The following EML1 variants were observed in gnomAD, a reference collection of about 807,000 sequenced individuals.
EML1 encodes the protein echinoderm microtubule-associated protein-like 1.
A neutral mutation model predicts 110.4 loss-of-function variants in EML1; 27 were observed. That is an observed-to-expected ratio of 0.24 (90% confidence interval 0.18 to 0.34). EML1 has a LOEUF of 0.34. Ranked by LOEUF, EML1 falls within the 10% of genes least tolerant of loss-of-function variation. EML1 has a pLI of 1.00. For missense variants in EML1, 741 were observed against 1,030.9 expected, an observed-to-expected ratio of 0.72 and a Z score of 3.85; for synonymous variants, 344 against 385.8, an observed-to-expected ratio of 0.89 and a Z score of 1.27.
chr14:99,914,430 G>T, intron 14 of EML1, 126 bp downstream of exon 14: 1 of 1,528,696 alleles, frequency 6.5e-7, no homozygotes. Context: ...GTCTGTGGCT[G>T]CTGAAAGATG....
At chr14:99,756,298 A>T (rs1472546782) in intron 1 of EML1, among the ~76,000 whole-genome samples, 1 of 152,240 alleles carries the variant, frequency 6.6e-6, no homozygotes, top group African/African-American at 2.4e-5. Context: ...GTCAGGCAGC[A>T]TGACCCATAC....
chr14:99,765,389 C>T lies in EML1; in HGVS notation c.28+27529C>T, dbSNP rs369166431. Among the ~76,000 whole-genome samples, 106 of 152,250 alleles carry T rather than the reference C, an allele frequency of 7.0e-4. No homozygotes were observed. The South Asian group carries it at 8.1e-3, about 12-fold the overall frequency. ...ACTGAACAATAACCTCCCCCCACCACGCCAGGCCCCTGGCTACCACCAATC... is the reference window on the plus strand; with the variant it reads ...ACTGAACAATAACCTCCCCCCACCATGCCAGGCCCCTGGCTACCACCAATC... On this transcript the variant is annotated intron_variant, in intron 1 of 10. Transcript: ENST00000554479.
chr14:99,886,294 C>T (rs1161172005), intron 4 of EML1, among the ~76,000 whole-genome samples: 2 of 152,188 alleles, frequency 1.3e-5, no homozygotes, highest in Non-Finnish European at 2.9e-5. Flanking sequence ...CCAGCCTGGA[C>T]AACATGGCGG....
chr14:99,932,177 G>A lies in EML1; in HGVS notation c.1910-3852G>A, dbSNP rs142126683. ...GGGGTTGTGGATGGTACGATCAGCC[G>A]GTTCCCCTCTGCAGGGAGGACTTCC... On this transcript the variant is annotated intron_variant, in intron 17 of 21. Coordinates refer to ENST00000262233, the MANE Select transcript of EML1 (RefSeq NM_004434.3). 1.6e-3 allele frequency among the ~76,000 whole-genome samples: 251 copies of A among 152,272 alleles called. 1 individual carries two copies. Among genetic ancestry groups the A allele is most frequent in the African/African-American group, 5.5e-3 (228 of 41,560 alleles).
At chr14:99,795,154 T>G (rs2057746518) in intron 1 of EML1, among the ~76,000 whole-genome samples, 1 of 152,218 alleles carries the variant, frequency 6.6e-6, no homozygotes, top group South Asian at 2.1e-4. Context: ...AGCCTAGATA[T>G]TTTTATTGGA....
chr14:99,833,986 T>G (rs1224768235), intron 1 of EML1, among the ~76,000 whole-genome samples: 1 of 152,224 alleles, frequency 6.6e-6, no homozygotes, highest in Non-Finnish European at 1.5e-5. Flanking sequence ...TTTCTTTTTA[T>G]TTTTCACTGA....
At chr14:99,750,927 G>A (rs1170839750) in intron 1 of EML1, among the ~76,000 whole-genome samples, 1 of 152,112 alleles carries the variant, frequency 6.6e-6, no homozygotes, top group Non-Finnish European at 1.5e-5. Flanking sequence ...GCTCAGAGAC[G>A]ATGCTCCACA....
intron 1 of EML1, among the ~76,000 whole-genome samples, chr14:99,832,631 C>G (rs541171062): frequency 3.9e-5 from 6 of 152,154 alleles, no homozygotes; most frequent in South Asian, 2.1e-4. Flanking sequence ...TGTTGAGCAC[C>G]TTTTGATATG....
intron 1 of EML1, among the ~76,000 whole-genome samples, chr14:99,744,508 G>A (rs1476453007): frequency 6.6e-6 from 1 of 152,170 alleles, no homozygotes; most frequent in East Asian, 1.9e-4. Context: ...AGTAATGTCT[G>A]CACCCCTTTC....
At position 99,914,601 on chromosome 14, in the gene EML1, T is replaced by A. The variant is rs770978329; in HGVS notation, c.1656T>A (p.His552Gln). ...HTDELWGLAI[H>Q]ASKSQFLTCG... ...ATGAGCTCTGGGGACTGGCCATCCA[T>A]GCCTCAAAATCTCAGTTCTTGACCT... Residue 552 changes from histidine to glutamine, a missense_variant, in exon 15 of 22, where the codon CAT (histidine) becomes CAA (glutamine). His to Gln is a conservative substitution (Grantham distance 24, BLOSUM62 0). Around this residue, in one of 4 missense-constraint regions of EML1, gnomAD observed 388 missense variants for 605.6 expected, o/e 0.64. Coordinates refer to ENST00000262233, the MANE Select transcript of EML1 (RefSeq NM_004434.3). The A allele has an allele frequency of 6.2e-7, 1 of 1,609,972 alleles. No homozygotes were observed. Among genetic ancestry groups the A allele is most frequent in the Non-Finnish European group, 8.5e-7 (1 of 1,179,178 alleles).
intron 1 of EML1, among the ~76,000 whole-genome samples, chr14:99,776,800 A>G (rs143500195): frequency 5.3e-5 from 8 of 152,326 alleles, no homozygotes; most frequent in African/African-American, 1.9e-4. Flanking sequence ...CGATTTCTCA[A>G]CAGAGTGGCC....
chr14:99,767,264 A>G (rs2057376855), intron 1 of EML1, among the ~76,000 whole-genome samples: 1 of 152,214 alleles, frequency 6.6e-6, no homozygotes, highest in Non-Finnish European at 1.5e-5. Context: ...CTAGTCATTG[A>G]CTTTGGGCAA....
Position 99,784,242 on chromosome 14 carries a change from G to C in EML1, c.-27+10229G>C, listed in dbSNP as rs1304408471. 6.6e-6 allele frequency among the ~76,000 whole-genome samples: 1 copy of C among 152,128 alleles called. No individual in the cohort carries two copies. Among genetic ancestry groups the C allele is most frequent in the Admixed American group, 6.6e-5 (1 of 15,264 alleles). ...TGAGTAGCTGGGACCACAGGCACAT[G>C]CTACCACGCTTGGCTAATTTTTGTG... On this transcript the variant is annotated intron_variant, in intron 1 of 22. Coordinates refer to the EML1 transcript ENST00000327921. The surrounding 1 kb of genome is among the most constrained non-coding windows in gnomAD (Gnocchi z 4.5).
At chr14:99,749,032 AT>A (rs2140170311) in intron 1 of EML1, among the ~76,000 whole-genome samples, 1 of 152,322 alleles carries the variant, frequency 6.6e-6, no homozygotes, top group South Asian at 2.1e-4. Context: ...GCATATGGAT[AT>A]ACCATGTTTC....
chr14:99,904,173 A>G (rs1439447177), intron 9 of EML1, among the ~76,000 whole-genome samples: 1 of 152,194 alleles, frequency 6.6e-6, no homozygotes, highest in Non-Finnish European at 1.5e-5. Flanking sequence ...AAAGCAGATC[A>G]TTGCTCAGAG....
At chr14:99,894,943 C>G (rs1262415665) in intron 6 of EML1, among the ~76,000 whole-genome samples, 185 bp downstream of exon 6, 3 of 152,188 alleles carry the variant, frequency 2.0e-5, no homozygotes, top group African/African-American at 7.2e-5. Context: ...AGAGTTCTAA[C>G]AAAGTAGGAG....
At chr14:99,825,266 A>G (rs999343777) in intron 1 of EML1, among the ~76,000 whole-genome samples, 3 of 152,140 alleles carry the variant, frequency 2.0e-5, no homozygotes, top group African/African-American at 4.8e-5. Flanking sequence ...GATTACAAGT[A>G]TGAGCCCTGT....
rs191676778 is a variant in EML1, at chr14:99,850,687, C to T, written c.68-166C>T. Among the ~76,000 whole-genome samples, 4 of 152,312 alleles carry T rather than the reference C, an allele frequency of 2.6e-5. No individual in the cohort carries two copies. The East Asian group carries it at 7.7e-4, about 29-fold the overall frequency. On this transcript the variant is annotated intron_variant, in intron 1 of 21. Coordinates refer to ENST00000262233, the MANE Select transcript of EML1 (RefSeq NM_004434.3). The stretch of plus-strand genomic sequence containing the variant: ...TGTAGAATGAAGAGTTGTAGTTACA[C>T]ACAGCTAAAGATTTCATGTGATTTC...
intron 16 of EML1, 124 bp from the exon 17 acceptor site, chr14:99,920,665 T>C: frequency 1.3e-6 from 1 of 755,306 alleles, no homozygotes; most frequent in Non-Finnish European, 2.0e-6. Context: ...CAAGCTTTCT[T>C]ATTAAGCAAA....
Sources: gnomAD v4.1 joint callset for allele counts (sites outside exome capture counted in the v4.1 genomes callset) on GRCh38, gnomAD v4.1.1 for gene constraint, gnomAD v4.1.1 regional missense constraint, Gnocchi (gnomAD v3.1) non-coding constraint, MANE v1.5 for transcripts, NCBI Gene and HGNC (gene_info 2026-07-23, HGNC 2026-07-21) for gene names.